SPG21: variants seen among roughly 807,000 people sequenced by gnomAD.
SPG21 encodes the protein SPG21 abhydrolase domain containing, maspardin, also known as maspardin.
SPG21 carries 26 observed loss-of-function variants against 38.9 expected under a neutral mutation model. That is an observed-to-expected ratio of 0.67 (90% confidence interval 0.49 to 0.93). SPG21 has a LOEUF of 0.93. SPG21 is among the 40% of genes least tolerant of loss of function. The pLI is 0.00. For synonymous variants in SPG21, 136 were observed against 128.9 expected, an observed-to-expected ratio of 1.05 and a Z score of -0.37; for missense variants, 333 against 376.5, an observed-to-expected ratio of 0.88 and a Z score of 0.96.
intron 5 of SPG21, among the ~76,000 whole-genome samples, chr15:64,972,267 G>A (rs1182145681): frequency 1.3e-5 from 2 of 152,124 alleles, no homozygotes; most frequent in African/African-American, 4.8e-5. Flanking sequence ...GCTCTGTAAG[G>A]GGTGGACCCT....
chr15:64,980,515 A>T (rs945773740), intron 3 of SPG21, among the ~76,000 whole-genome samples: 3 of 152,036 alleles, frequency 2.0e-5, no homozygotes, highest in African/African-American at 7.2e-5. Flanking sequence ...GAGGTGGATG[A>T]ATCATGAGGT....
At chr15:64,976,441 A>T (rs1480628040) in intron 4 of SPG21, 34 bp downstream of exon 4, 1 of 1,476,314 alleles carries the variant, frequency 6.8e-7, no homozygotes, top group Non-Finnish European at 9.5e-7. Flanking sequence ...TAAAAAAAAA[A>T]TTGTATGTAT....
At chr15:64,977,446 A>G (rs2140433809) in intron 3 of SPG21, among the ~76,000 whole-genome samples, 1 of 151,722 alleles carries the variant, frequency 6.6e-6, no homozygotes, top group South Asian at 2.1e-4. Context: ...TGCAGCCACA[A>G]CCTCTTGGGT....
At chr15:64,984,811 G>A (rs578229306) in intron 1 of SPG21, among the ~76,000 whole-genome samples, 6 of 149,188 alleles carry the variant, frequency 4.0e-5, no homozygotes, top group Non-Finnish European at 5.9e-5. Flanking sequence ...GTGCAGTGGC[G>A]TGATCTCAGC....
chr15:64,980,731 C>T, intron 3 of SPG21, 133 bp downstream of exon 3: 1 of 1,049,060 alleles, frequency 9.5e-7, no homozygotes, highest in Non-Finnish European at 1.4e-6. Context: ...GAGTGAGAAT[C>T]CATCTCAACA....
At chr15:64,966,704 C>T (rs2085546997) in intron 7 of SPG21, among the ~76,000 whole-genome samples, 1 of 152,056 alleles carries the variant, frequency 6.6e-6, no homozygotes. Flanking sequence ...TCGAGACCAT[C>T]CTGGCTAACA....
In SPG21 at chr15:64,970,097, A is replaced by C. The variant is rs1159974309; in HGVS notation, c.561+17T>G. The C allele has an allele frequency of 6.3e-7, 1 of 1,591,830 alleles. No homozygotes were observed. Among genetic ancestry groups the C allele is most frequent in the Non-Finnish European group, 8.6e-7 (1 of 1,159,866 alleles). ...TCCCAATACAATGTGTCCCCAACCCAATGTCATGATCCTTACCCTGTCTAC... is the reference window on the plus strand; with the variant it reads ...TCCCAATACAATGTGTCCCCAACCCCATGTCATGATCCTTACCCTGTCTAC... On this transcript the variant is annotated intron_variant, in intron 6 of 8. Transcript: ENST00000204566.
chr15:64,974,456 C>T, intron 5 of SPG21, 146 bp downstream of exon 5: 8 of 925,750 alleles, frequency 8.6e-6, no homozygotes, highest in Non-Finnish European at 1.3e-5. Flanking sequence ...GCCTGGGTGA[C>T]AGAGCAAGAC....
chr15:64,971,352 A>G (rs888820594), intron 5 of SPG21, among the ~76,000 whole-genome samples: 7 of 151,908 alleles, frequency 4.6e-5, no homozygotes, highest in African/African-American at 1.7e-4. Flanking sequence ...ATCCTGGCTA[A>G]CACGGTGAAA....
intron 1 of SPG21, among the ~76,000 whole-genome samples, chr15:64,985,723 G>A (rs1484622106): frequency 6.6e-6 from 1 of 152,128 alleles, no homozygotes; most frequent in Non-Finnish European, 1.5e-5. Flanking sequence ...CAAGGAACAG[G>A]GGATTCTAAA....
At chr15:64,975,527 CA>C (rs34728521) in intron 4 of SPG21, among the ~76,000 whole-genome samples, 3,848 of 126,076 alleles carry the variant, frequency 0.031, 92 homozygotes, top group South Asian at 0.15. Context: ...AAGCCTGTCT[CA>C]AAAAAAAAAA....
At chr15:64,966,627 C>T (rs569137353) in intron 7 of SPG21, among the ~76,000 whole-genome samples, 40 of 152,246 alleles carry the variant, frequency 2.6e-4, no homozygotes, top group Middle Eastern at 3.4e-3. Context: ...TGGCCAGGTG[C>T]GGTGGCTCAC....
chr15:64,969,208 C>T, intron 7 of SPG21, 47 bp downstream of exon 7: 1 of 1,257,868 alleles, frequency 7.9e-7, no homozygotes, highest in Middle Eastern at 1.9e-4. Context: ...TCTTGACATA[C>T]ACATTTTAAA....
chr15:64,971,230 T>A (rs909046968), intron 5 of SPG21, among the ~76,000 whole-genome samples: 8 of 151,896 alleles, frequency 5.3e-5, no homozygotes, highest in Non-Finnish European at 1.0e-4. Context: ...ACTAATTTTT[T>A]AAAAATTTAC....
rs958092502 is a variant in SPG21, at chr15:64,975,038, C to T, written c.307-291G>A. 3.3e-5 allele frequency among the ~76,000 whole-genome samples: 5 copies of T among 152,072 alleles called. No individual in the cohort carries two copies. The South Asian group carries it at 1.0e-3, about 32-fold the overall frequency. ...GGCACGGTGGCTCACACCTGTAATC[C>T]CAGCACTTTGGGAGGCCGAGGCAGG... On this transcript the variant is annotated intron_variant, in intron 4 of 8. Transcript: ENST00000204566.
At position 64,974,589 on chromosome 15, in the gene SPG21, A is replaced by G. The variant is rs369438800; in HGVS notation, c.452+13T>C. The G allele has an allele frequency of 8.7e-6, 14 of 1,614,012 alleles. No homozygotes were observed. In the African/African-American group the frequency reaches 1.7e-4, roughly 20 times the overall value. On this transcript the variant is annotated intron_variant, in intron 5 of 8. Coordinates refer to ENST00000204566, the MANE Select transcript of SPG21 (RefSeq NM_016630.7). The stretch of plus-strand genomic sequence containing the variant: ...AAAATTTCACTGAACAAAAAAAGTA[A>G]TTTTGTTCTTACCTGTTTGCAGTCC...
chr15:64,971,539 CA>C (rs879467558), intron 5 of SPG21, among the ~76,000 whole-genome samples: 12 of 142,814 alleles, frequency 8.4e-5, no homozygotes, highest in Non-Finnish European at 7.7e-5. Flanking sequence ...ACTCCGTCTC[CA>C]AAAAAAAAAA....
At chr15:64,968,338 T>TC (rs766220168) in intron 7 of SPG21, among the ~76,000 whole-genome samples, 2 of 48,080 alleles carry the variant, frequency 4.2e-5, no homozygotes, top group African/African-American at 5.3e-5. Context: ...AGACCCTGTT[T>TC]CCAAAAAAAA....
intron 6 of SPG21, among the ~76,000 whole-genome samples, chr15:64,969,800 C>T (rs2085624431): frequency 6.6e-6 from 1 of 151,422 alleles, no homozygotes; most frequent in African/African-American, 2.4e-5. Flanking sequence ...ATCAGATTTA[C>T]CTGGTGGGTA....
Sources: gnomAD v4.1 joint callset for allele counts (sites outside exome capture counted in the v4.1 genomes callset) on GRCh38, gnomAD v4.1.1 for gene constraint, MANE v1.5 for transcripts, NCBI Gene and HGNC (gene_info 2026-07-23, HGNC 2026-07-21) for gene names.